PPARG: variants seen among roughly 807,000 people sequenced by gnomAD.
PPARG encodes the protein peroxisome proliferator activated receptor gamma.
In PPARG, 17 loss-of-function variants were observed where a neutral mutation model predicts 39.2. The ratio of observed to expected loss-of-function variants is 0.43; its 90% CI spans 0.30 to 0.65. The LOEUF (loss-of-function observed/expected upper bound fraction) is 0.65, where lower values mean the gene tolerates loss of function less well. Ranked by LOEUF, PPARG falls within the 30% of genes least tolerant of loss-of-function variation. The pLI is 0.13. For synonymous variants in PPARG, 223 were observed against 215.7 expected (o/e 1.03, Z -0.30); for missense variants, 406 against 585.9 (o/e 0.69, Z 3.17).
At chr3:12,319,984 T>G (rs2047492024) in intron 2 of PPARG, among the ~76,000 whole-genome samples, 2 of 152,236 alleles carry the variant, frequency 1.3e-5, no homozygotes, top group African/African-American at 2.4e-5. Context: ...AGAAAGAGGT[T>G]GAGTAACTTA....
At chr3:12,328,206 T>A in intron 2 of PPARG, 1 of 1,481,486 alleles carries the variant, frequency 6.7e-7, no homozygotes. Flanking sequence ...GAAAAAGTCC[T>A]ACCTGGAGCG....
At position 12,397,336 on chromosome 3, in the gene PPARG, T is replaced by A. The variant is rs1439359040; in HGVS notation, c.529+4584T>A. On this transcript the variant is annotated intron_variant, in intron 5 of 7. Coordinates refer to ENST00000651735, the MANE Select transcript of PPARG (RefSeq NM_138711.6). ...AGTGTATATTGAGAAAAGGAAAAAT[T>A]CTGAATGGCAAATACTAGATTTCAA... Among the ~76,000 whole-genome samples the A allele has an allele frequency of 2.0e-5, 3 of 150,114 alleles. No individual in the cohort carries two copies. In the East Asian group the frequency reaches 5.8e-4, roughly 29 times the overall value.
intron 1 of PPARG, among the ~76,000 whole-genome samples, chr3:12,310,791 TAAAAAAA>T (rs761238501): frequency 9.9e-5 from 5 of 50,358 alleles, no homozygotes; most frequent in East Asian, 7.0e-4. Flanking sequence ...GCCTTAAATG[TAAAAAAA>T]AAAAAAAAAA....
chr3:12,293,821 C>CT (rs2046711038), intron 1 of PPARG, among the ~76,000 whole-genome samples: 1 of 152,194 alleles, frequency 6.6e-6, no homozygotes, highest in Admixed American at 6.5e-5. Flanking sequence ...AGAAATATAA[C>CT]TGTCAAACTG....
At chr3:12,355,068 A>G (rs2048617200) in intron 2 of PPARG, among the ~76,000 whole-genome samples, 2 of 152,196 alleles carry the variant, frequency 1.3e-5, no homozygotes, top group South Asian at 4.1e-4. Flanking sequence ...GCATTGAGAA[A>G]CTTGGATTAT....
intron 2 of PPARG, among the ~76,000 whole-genome samples, chr3:12,357,677 T>A (rs2048712829): frequency 6.6e-6 from 1 of 152,228 alleles, no homozygotes; most frequent in Admixed American, 6.5e-5. Context: ...GAGATCTTTG[T>A]CTAGTTTGTT....
At chr3:12,411,200 A>AT (rs1319361439) in intron 6 of PPARG, among the ~76,000 whole-genome samples, 13 of 150,832 alleles carry the variant, frequency 8.6e-5, no homozygotes, top group Admixed American at 2.0e-4. Context: ...AAGCACTTGG[A>AT]TTTTTTTTTT....
intron 7 of PPARG, among the ~76,000 whole-genome samples, chr3:12,431,374 A>G (rs1032507759): frequency 2.0e-5 from 3 of 152,214 alleles, no homozygotes; most frequent in South Asian, 4.1e-4. Context: ...AGTGGCACTA[A>G]GAAGAAAATG....
At chr3:12,322,853 G>A (rs968345928) in intron 2 of PPARG, among the ~76,000 whole-genome samples, 11 of 152,138 alleles carry the variant, frequency 7.2e-5, no homozygotes, top group African/African-American at 2.7e-4. Context: ...TCAGGCTGGA[G>A]TGCAGTGGTA....
intron 2 of PPARG, among the ~76,000 whole-genome samples, chr3:12,326,005 A>G (rs960999912): frequency 7.9e-5 from 12 of 152,162 alleles, no homozygotes; most frequent in Admixed American, 7.9e-4. Context: ...ACAGAAATCT[A>G]TTTCTGAACA....
At chr3:12,308,700 G>A (rs557677198) in intron 1 of PPARG, among the ~76,000 whole-genome samples, 33 of 152,234 alleles carry the variant, frequency 2.2e-4, no homozygotes, top group African/African-American at 7.7e-4. Context: ...CAGTCATGGT[G>A]GGAGTATTTA....
chr3:12,394,389 A>G (rs1236994018), intron 5 of PPARG, among the ~76,000 whole-genome samples: 3 of 152,162 alleles, frequency 2.0e-5, no homozygotes, highest in African/African-American at 4.8e-5. Flanking sequence ...TCAATCTGCA[A>G]TTGCTTATTG....
At chr3:12,346,490 G>T (rs975406918) in intron 2 of PPARG, among the ~76,000 whole-genome samples, 1 of 152,140 alleles carries the variant, frequency 6.6e-6, no homozygotes, top group Non-Finnish European at 1.5e-5. Flanking sequence ...TGGACCCAAA[G>T]AGTTGACACA....
chr3:12,413,313 A>G (rs1242625626), intron 6 of PPARG, among the ~76,000 whole-genome samples: 1 of 152,230 alleles, frequency 6.6e-6, no homozygotes, highest in Non-Finnish European at 1.5e-5. Flanking sequence ...AAGGCAGACC[A>G]GGCCCACCCA....
chr3:12,429,160 C>T (rs1056537198), intron 7 of PPARG, among the ~76,000 whole-genome samples: 1 of 152,124 alleles, frequency 6.6e-6, no homozygotes, highest in Non-Finnish European at 1.5e-5. Context: ...AATATACTTA[C>T]TCCGTGGCCA....
chr3:12,316,670 T>G (rs900047866), intron 2 of PPARG, among the ~76,000 whole-genome samples: 1 of 151,988 alleles, frequency 6.6e-6, no homozygotes, highest in Admixed American at 6.6e-5. Flanking sequence ...TGCCAGGGTG[T>G]CTGGCTCTAA....
intron 4 of PPARG, among the ~76,000 whole-genome samples, chr3:12,385,082 C>A (rs1334833294): frequency 6.6e-6 from 1 of 152,136 alleles, no homozygotes; most frequent in Non-Finnish European, 1.5e-5. Flanking sequence ...GTAAAGACAT[C>A]TCCTTAGCTT....
At chr3:12,351,062 C>A (rs1159440396) in intron 2 of PPARG, among the ~76,000 whole-genome samples, 2 of 152,142 alleles carry the variant, frequency 1.3e-5, no homozygotes, top group African/African-American at 4.8e-5. Flanking sequence ...CCAAATTTTT[C>A]TTCAAATAAT....
intron 1 of PPARG, among the ~76,000 whole-genome samples, chr3:12,312,079 G>T (rs1292219511): frequency 6.6e-6 from 1 of 152,218 alleles, no homozygotes. Context: ...CTTCATTCAT[G>T]TTAGTGATGG....
Sources: allele counts gnomAD v4.1 joint callset (sites outside exome capture counted in the v4.1 genomes callset), GRCh38; gene constraint gnomAD v4.1.1; transcripts MANE v1.5; gene names NCBI Gene and HGNC (gene_info 2026-07-23, HGNC 2026-07-21).